CCT6A: variants seen among roughly 807,000 people sequenced by gnomAD.
The protein encoded by CCT6A is chaperonin containing TCP1 subunit 6A, also known as T-complex protein 1 subunit zeta.
CCT6A carries 6 observed loss-of-function variants against 58.6 expected under a neutral mutation model. The ratio of observed to expected loss-of-function variants is 0.10; its 90% CI spans 0.06 to 0.20. The LOEUF (loss-of-function observed/expected upper bound fraction) is 0.20. Ranked by LOEUF, CCT6A falls within the 10% of genes least tolerant of loss-of-function variation. The pLI, the probability that CCT6A is intolerant of heterozygous loss-of-function variation, is 1.00. For synonymous variants in CCT6A, 245 were observed against 227.8 expected, an observed-to-expected ratio of 1.08 and a Z score of -0.68; for missense variants, 516 against 648.8, an observed-to-expected ratio of 0.80 and a Z score of 2.22.
chr7:56,058,572 T>A lies in CCT6A; in HGVS notation c.886-48T>A, dbSNP rs753737232. On this transcript the variant is annotated intron_variant, in intron 7 of 13. Coordinates refer to ENST00000275603, the MANE Select transcript of CCT6A (RefSeq NM_001762.4). ...ACTAAATAGTACGTATCATCCTTTTTACTTTTAAGGTGAAAGATGTTGAAA... is the reference window on the plus strand; with the variant it reads ...ACTAAATAGTACGTATCATCCTTTTAACTTTTAAGGTGAAAGATGTTGAAA... 16 of 1,578,894 alleles carry A rather than the reference T, an allele frequency of 1.0e-5. 1 individual carries two copies. In the South Asian group the frequency reaches 1.7e-4, roughly 17 times the overall value.
At position 56,060,866 on chromosome 7, in the gene CCT6A, C is replaced by T. The variant is rs777138801; in HGVS notation, c.1273C>T (p.His425Tyr). 2 of 1,613,754 alleles carry T rather than the reference C, an allele frequency of 1.2e-6. No individual in the cohort carries two copies. The highest frequency in any genetic ancestry group is 1.7e-5 in the Admixed American group (1 of 60,000). Residue 425 changes from histidine (H) to tyrosine (Y), a missense_variant, in exon 11 of 14, where the codon CAT (histidine) becomes TAT (tyrosine). Coordinates refer to ENST00000275603, the MANE Select transcript of CCT6A (RefSeq NM_001762.4). Reference sequence around the variant, plus strand: ...GGCAATGGCAGAAGCCCTGATTAAACATAAGCCCAGTGTAAAGGGCAGGGC... The same window carrying T: ...GGCAATGGCAGAAGCCCTGATTAAATATAAGCCCAGTGTAAAGGGCAGGGC... ...EVAMAEALIK[H>Y]KPSVKGRAQL...
In CCT6A at chr7:56,060,895, G is replaced by A. The variant is rs1794418556; in HGVS notation, c.1302G>A (p.Gln434=). The A allele has an allele frequency of 6.2e-7, 1 of 1,613,246 alleles. No individual in the cohort carries two copies. Among genetic ancestry groups the A allele is most frequent in the Non-Finnish European group, 8.5e-7 (1 of 1,179,872 alleles). Residue 434 remains glutamine, a synonymous_variant, in exon 11 of 14, where the codon CAG becomes CAA. Transcript: ENST00000275603. ...AGCCCAGTGTAAAGGGCAGGGCACA[G>A]CTTGGAGTCCAAGCATTTGCTGATG... ...KHKPSVKGRA[Q]LGVQAFADAL...
Position 56,063,470 on chromosome 7 carries a change from G to T in CCT6A, c.*385G>T. Reference sequence around the variant, plus strand: ...CCAACTACCCTATTGTTAAGCATTTGGTTTTAAAATTTTTATGCTAATATA... The same window carrying T: ...CCAACTACCCTATTGTTAAGCATTTTGTTTTAAAATTTTTATGCTAATATA... On this transcript the variant is annotated 3_prime_UTR_variant, in exon 14 of 14. Transcript: ENST00000275603. 5.4e-6 allele frequency: 1 copy of T among 184,322 alleles called. No individual in the cohort carries two copies. Among genetic ancestry groups the T allele is most frequent in the Non-Finnish European group, 1.1e-5 (1 of 87,838 alleles). The allele number at this position is 184,322 out of a possible 1,614,324, so 11.4% of individuals were successfully genotyped here.
rs759707075 is a variant in CCT6A at position 56,052,402 on chromosome 7, C to T, written c.138-20C>T. 4.3e-6 allele frequency: 7 copies of T among 1,610,484 alleles called. No individual in the cohort carries two copies. In the East Asian group the frequency reaches 1.1e-4, roughly 26 times the overall value. On this transcript the variant is annotated intron_variant, in intron 1 of 13. Coordinates refer to ENST00000275603, the MANE Select transcript of CCT6A (RefSeq NM_001762.4). ...TCGTTGAAAAAGTCATAGTCTGGTT[C>T]ATTTCTGTCCTTTAAACAGGCTCGT...
chr7:56,060,408 T>G lies in CCT6A; in HGVS notation c.1205T>G (p.Ile402Ser), dbSNP rs751291094. The change falls in exon 10 of 14, where the codon ATT (isoleucine) becomes AGT (serine). Residue 402 changes from isoleucine (I) to serine (S), a missense_variant. Physicochemically the swap from Ile to Ser is moderately radical, Grantham distance 142 (BLOSUM62 -2). Transcript: ENST00000275603. ...RDGLRAVKNA[I>S]DDGCVVPGAG... Reference sequence around the variant, plus strand: ...GGCTTGAGGGCTGTCAAAAATGCTATTGATGATGGTAAGATCCTCACTGTA... The same window carrying G: ...GGCTTGAGGGCTGTCAAAAATGCTAGTGATGATGGTAAGATCCTCACTGTA... The G allele has an allele frequency of 2.1e-5, 34 of 1,614,088 alleles. No homozygotes were observed. The highest frequency in any genetic ancestry group is 5.0e-5 in the Admixed American group (3 of 60,006).
At chr7:56,052,584 C>T (rs1794166796) in intron 2 of CCT6A, 99 bp downstream of exon 2, 2 of 1,029,286 alleles carry the variant, frequency 1.9e-6, no homozygotes, top group Non-Finnish European at 3.1e-6. Context: ...GGTAGGAGAA[C>T]ATTCAGAAGT....
chr7:56,063,083 T>G lies in CCT6A; in HGVS notation c.1594T>G (p.Ter532GlyextTer10). 6.3e-7 allele frequency: 1 copy of G among 1,593,938 alleles called. No individual in the cohort carries two copies. The highest frequency in any genetic ancestry group is 8.6e-7 in the Non-Finnish European group (1 of 1,161,508). ...MRAGMSSLKG[*>G] Reference sequence around the variant, plus strand: ...AGCTGGAATGTCTTCTCTGAAAGGTTGAATTGAAGCTTCCTCTGTATCTGA... The same window carrying G: ...AGCTGGAATGTCTTCTCTGAAAGGTGGAATTGAAGCTTCCTCTGTATCTGA... Residue 532 changes from the stop codon to glycine (G), a stop_lost, in exon 14 of 14, where the codon TGA (stop) becomes GGA (glycine). Transcript: ENST00000275603.
intron 4 of CCT6A, 114 bp from the exon 5 acceptor site, chr7:56,056,197 G>C: frequency 1.4e-6 from 1 of 716,070 alleles, no homozygotes. Context: ...GATAGAAAAA[G>C]ACTTAAATCA....
chr7:56,059,537 A>G lies in CCT6A; in HGVS notation c.969-7A>G, dbSNP rs375756251. ...GCTTATCCATCTCCCTTAAAATGCT[A>G]TTTCAGGCTGACTCTTGCTTGTGGT... On this transcript the variant is annotated splice_region_variant and splice_polypyrimidine_tract_variant and intron_variant, in intron 8 of 13. Transcript: ENST00000275603. 1.7e-5 allele frequency: 27 copies of G among 1,546,720 alleles called. No homozygotes were observed. Among genetic ancestry groups the G allele is most frequent in the African/African-American group, 4.1e-5 (3 of 73,606 alleles).
At chr7:56,060,634 C>T in intron 10 of CCT6A, 173 bp from the exon 11 acceptor site, 1 of 963,334 alleles carries the variant, frequency 1.0e-6, no homozygotes, top group Non-Finnish European at 1.7e-6. Flanking sequence ...TTGAAAGCTG[C>T]CAGTGGCTAG....
rs1165638626 is a variant in CCT6A, at chr7:56,058,959, T to C, written c.968+257T>C. 6 of 268,862 alleles carry C rather than the reference T, an allele frequency of 2.2e-5. No individual in the cohort carries two copies. In the Admixed American group the frequency reaches 2.5e-4, roughly 11 times the overall value. The allele number at this position is 268,862 out of a possible 1,614,324, so 16.7% of individuals were successfully genotyped here. On this transcript the variant is annotated intron_variant, in intron 8 of 13. Transcript: ENST00000275603. Reference sequence around the variant, plus strand: ...TAAACATTATTTTACTTTTTGTTTCTGAATTCAATATACTTTTTTCCAAAG... The same window carrying C: ...TAAACATTATTTTACTTTTTGTTTCCGAATTCAATATACTTTTTTCCAAAG...
In CCT6A at chr7:56,053,493, T is replaced by C. The variant is rs1182415427; in HGVS notation, c.202-876T>C. On this transcript the variant is annotated intron_variant, in intron 2 of 13. Coordinates refer to ENST00000275603, the MANE Select transcript of CCT6A (RefSeq NM_001762.4). ...GGGGCTAGGTGTGGTGGCTTATGCT[T>C]GTAATCGCAGCACTTTGGCAGGCCA... 1.3e-5 allele frequency among the ~76,000 whole-genome samples: 2 copies of C among 152,104 alleles called. 1 individual carries two copies. Among genetic ancestry groups the C allele is most frequent in the African/African-American group, 4.8e-5 (2 of 41,422 alleles).
chr7:56,059,678 T>A, intron 9 of CCT6A, 38 bp downstream of exon 9: 3 of 988,922 alleles, frequency 3.0e-6, no homozygotes, highest in Non-Finnish European at 4.9e-6. Flanking sequence ...TAGAACCTTT[T>A]AGCTCGTGAA....
intron 10 of CCT6A, 175 bp from the exon 11 acceptor site, chr7:56,060,632 T>C (rs769983117): frequency 2.1e-6 from 2 of 955,582 alleles, no homozygotes; most frequent in Non-Finnish European, 3.4e-6. Flanking sequence ...TGTTGAAAGC[T>C]GCCAGTGGCT....
At position 56,060,802 on chromosome 7, in the gene CCT6A, A is replaced by C. The variant is rs1794416859; in HGVS notation, c.1214-5A>C. The C allele has an allele frequency of 6.2e-7, 1 of 1,603,820 alleles. No individual in the cohort carries two copies. The highest frequency in any genetic ancestry group is 8.5e-7 in the Non-Finnish European group (1 of 1,177,722). ...TAGCATTTTTCCTTTTCCCCCATCC[A>C]ACAGGCTGTGTGGTTCCAGGTGCTG... On this transcript the variant is annotated splice_region_variant and splice_polypyrimidine_tract_variant and intron_variant, in intron 10 of 13. Transcript: ENST00000275603.
chr7:56,062,125 T>G, intron 12 of CCT6A: 1 of 278,846 alleles, frequency 3.6e-6, no homozygotes, highest in Non-Finnish European at 6.7e-6. Flanking sequence ...CATATTGCAT[T>G]TGCCTTACTC....
chr7:56,053,569 A>G (rs1279859240), intron 2 of CCT6A, among the ~76,000 whole-genome samples: 2 of 152,130 alleles, frequency 1.3e-5, no homozygotes, highest in African/African-American at 4.8e-5. Context: ...CCTGGCCAAC[A>G]TGGTTAAAAC....
At chr7:56,062,657 T>TAAA (rs773698004) in intron 12 of CCT6A, 26 bp from the exon 13 acceptor site, 1 of 1,597,674 alleles carries the variant, frequency 6.3e-7, no homozygotes, top group South Asian at 1.1e-5. Flanking sequence ...TGACTGAACT[T>TAAA]ATTTTAAGAT....
rs534999861 is a variant in CCT6A at position 56,056,921 on chromosome 7, C to T, written c.614+507C>T. Among the ~76,000 whole-genome samples, 635 of 151,386 alleles carry T rather than the reference C, an allele frequency of 4.2e-3. 1 individual carries two copies. The highest frequency in any genetic ancestry group is 6.1e-3 in the Non-Finnish European group (412 of 67,796). ...ACACCATTCTCCTGCCTCAGCCTCC[C>T]GAGTAGCTGGGACTACAGGCGCCCG... On this transcript the variant is annotated intron_variant, in intron 5 of 13. Transcript: ENST00000275603.
Sources: allele counts gnomAD v4.1 joint callset (sites outside exome capture counted in the v4.1 genomes callset), GRCh38; gene constraint gnomAD v4.1.1; transcripts MANE v1.5; gene names NCBI Gene and HGNC (gene_info 2026-07-23, HGNC 2026-07-21).